PDS5A: variants seen among roughly 807,000 people sequenced by gnomAD.
PDS5A encodes sister chromatid cohesion protein PDS5 homolog A.
Under a neutral mutation model 167.1 loss-of-function variants are expected in PDS5A, and 42 were observed. The ratio of observed to expected loss-of-function variants is 0.25; its 90% CI spans 0.20 to 0.33. The LOEUF (loss-of-function observed/expected upper bound fraction) is 0.33, where lower values mean the gene tolerates loss of function less well. PDS5A is among the 10% of genes least tolerant of loss of function. The pLI, the probability that PDS5A is intolerant of heterozygous loss-of-function variation, is 1.00. For missense variants in PDS5A, 1,033 were observed against 1,605.9 expected, an observed-to-expected ratio of 0.64 and a Z score of 6.10; for synonymous variants, 553 against 554.6, an observed-to-expected ratio of 1.00 and a Z score of 0.04.
intron 21 of PDS5A, 42 bp from the exon 22 acceptor site, chr4:39,869,504 A>G (rs756716263): frequency 2.8e-5 from 35 of 1,229,854 alleles, no homozygotes. Context: ...CATGAAAAAA[A>G]AAATTTATGT....
At chr4:39,908,203 T>C (rs1277980472) in intron 11 of PDS5A, among the ~76,000 whole-genome samples, 192 bp downstream of exon 11, 4 of 152,336 alleles carry the variant, frequency 2.6e-5, no homozygotes, top group East Asian at 3.9e-4. Context: ...TCAAAAGGTA[T>C]AGAATCCATT....
intron 16 of PDS5A, among the ~76,000 whole-genome samples, chr4:39,891,360 T>C (rs1057346766): frequency 2.6e-5 from 4 of 151,346 alleles, no homozygotes; most frequent in Non-Finnish European, 5.9e-5. Flanking sequence ...AAAAAATACA[T>C]ATTCAGGCCG....
At chr4:39,906,915 C>CATAAA (rs1560472040) in intron 11 of PDS5A, among the ~76,000 whole-genome samples, 4 of 45,802 alleles carry the variant, frequency 8.7e-5, no homozygotes, top group Non-Finnish European at 1.2e-4. Flanking sequence ...AGATTTCTTA[C>CATAAA]ATAAAAAAAA....
At position 39,862,620 on chromosome 4, in the gene PDS5A, C is replaced by T. The variant is rs138706547; in HGVS notation, c.2971+249G>A. On this transcript the variant is annotated intron_variant, in intron 25 of 32. Transcript: ENST00000303538. ...GGAAAAAATTATTTAGTCTGACATC[C>T]GAGCAATATGTTCAAATTAAACTAC... Among the ~76,000 whole-genome samples the T allele has an allele frequency of 1.0e-3, 157 of 152,162 alleles. No individual in the cohort carries two copies. In the Middle Eastern group the frequency reaches 0.031, roughly 30 times the overall value.
intron 7 of PDS5A, among the ~76,000 whole-genome samples, chr4:39,918,182 C>CAAAAAAAA (rs11447119): frequency 1.1e-5 from 1 of 88,610 alleles, no homozygotes. Context: ...GACCCTGTCT[C>CAAAAAAAA]AAAAAAAAAA....
At chr4:39,904,915 C>A (rs1723203055) in intron 11 of PDS5A, among the ~76,000 whole-genome samples, 1 of 152,164 alleles carries the variant, frequency 6.6e-6, no homozygotes, top group Non-Finnish European at 1.5e-5. Flanking sequence ...TATAATTCCC[C>A]TTGCAAACAA....
chr4:39,919,687 T>C (rs1430454830), intron 7 of PDS5A, among the ~76,000 whole-genome samples: 1 of 152,094 alleles, frequency 6.6e-6, no homozygotes, highest in Non-Finnish European at 1.5e-5. Context: ...AAAATAGTTA[T>C]AAATATGAGC....
At chr4:39,859,369 C>A (rs767230805) in intron 26 of PDS5A, among the ~76,000 whole-genome samples, 1 of 152,180 alleles carries the variant, frequency 6.6e-6, no homozygotes, top group Non-Finnish European at 1.5e-5. Context: ...CAGCCTTCCA[C>A]TCCTGGGCTC....
At chr4:39,963,273 T>C (rs1009025945) in intron 2 of PDS5A, among the ~76,000 whole-genome samples, 3 of 151,928 alleles carry the variant, frequency 2.0e-5, no homozygotes, top group Non-Finnish European at 4.4e-5. Flanking sequence ...CTGGCTAACA[T>C]GGTGATACTC....
chr4:39,828,059 A>G (rs1186536852), intron 32 of PDS5A, among the ~76,000 whole-genome samples: 1 of 152,198 alleles, frequency 6.6e-6, no homozygotes, highest in Non-Finnish European at 1.5e-5. Flanking sequence ...ACCCAACACT[A>G]ATGTCCAGCT....
At chr4:39,912,177 A>T (rs1560477009) in intron 9 of PDS5A, among the ~76,000 whole-genome samples, 1 of 152,228 alleles carries the variant, frequency 6.6e-6, no homozygotes, top group Non-Finnish European at 1.5e-5. Context: ...CAAAACACTT[A>T]ACGCTATAAT....
At chr4:39,944,707 A>AAC (rs1553906421) in intron 2 of PDS5A, among the ~76,000 whole-genome samples, 3 of 151,818 alleles carry the variant, frequency 2.0e-5, no homozygotes, top group Non-Finnish European at 2.9e-5. Flanking sequence ...AAAAAAAAAA[A>AAC]AAAACAAAAA....
intron 21 of PDS5A, among the ~76,000 whole-genome samples, chr4:39,871,180 G>A (rs919082790): frequency 9.1e-4 from 138 of 152,222 alleles, no homozygotes; most frequent in African/African-American, 2.9e-3. Context: ...TGTATGGGGT[G>A]ATAAAAAATT....
intron 2 of PDS5A, among the ~76,000 whole-genome samples, chr4:39,941,966 A>G (rs1006520887): frequency 1.3e-5 from 2 of 152,198 alleles, no homozygotes; most frequent in Non-Finnish European, 2.9e-5. Context: ...CATACTGAAT[A>G]AAGTTGGTAA....
intron 28 of PDS5A, chr4:39,848,576 T>C: frequency 2.8e-6 from 1 of 352,162 alleles, no homozygotes; most frequent in Non-Finnish European, 5.2e-6. Flanking sequence ...ATACTACCCA[T>C]GTTTCAATAA....
At chr4:39,969,439 G>A (rs754322689) in intron 2 of PDS5A, among the ~76,000 whole-genome samples, 5 of 152,096 alleles carry the variant, frequency 3.3e-5, no homozygotes, top group Non-Finnish European at 5.9e-5. Context: ...GGTCGAGGTG[G>A]GTGGATTACC....
intron 2 of PDS5A, among the ~76,000 whole-genome samples, chr4:39,950,504 G>A (rs533754056): frequency 2.6e-5 from 4 of 152,220 alleles, no homozygotes; most frequent in African/African-American, 4.8e-5. Context: ...TTTGGAGGCC[G>A]AGGCAGGTGG....
At chr4:39,928,434 T>A (rs1237654143) in intron 2 of PDS5A, among the ~76,000 whole-genome samples, 1 of 152,162 alleles carries the variant, frequency 6.6e-6, no homozygotes, top group African/African-American at 2.4e-5. Context: ...AAGCCTCTTA[T>A]TATTCATTTT....
At chr4:39,905,041 G>A (rs930676069) in intron 11 of PDS5A, among the ~76,000 whole-genome samples, 2 of 151,928 alleles carry the variant, frequency 1.3e-5, no homozygotes, top group African/African-American at 4.8e-5. Context: ...GCTCATGCCT[G>A]TAATCCCAGC....
Sources: allele counts gnomAD v4.1 joint callset (sites outside exome capture counted in the v4.1 genomes callset), GRCh38; gene constraint gnomAD v4.1.1; transcripts MANE v1.5; gene names NCBI Gene and HGNC (gene_info 2026-07-23, HGNC 2026-07-21).